OVCH1: variants seen among roughly 807,000 people sequenced by gnomAD.
OVCH1 encodes ovochymase 1, also known as ovochymase-1.
A neutral mutation model predicts 138.4 loss-of-function variants in OVCH1; 139 were observed. That is an observed-to-expected ratio of 1.00 (90% confidence interval 0.87 to 1.16). The LOEUF is 1.16. Ranked by LOEUF, OVCH1 falls within the 50% of genes most tolerant of loss-of-function variation. The pLI is 0.00. For synonymous variants in OVCH1, 453 were observed against 467.8 expected (o/e 0.97, Z 0.41); for missense variants, 1,367 against 1,357.9 (o/e 1.01, Z -0.11).
chr12:29,412,161 A>C (rs1220528588), downstream of OVCH1, among the ~76,000 whole-genome samples: 1 of 152,084 alleles, frequency 6.6e-6, no homozygotes, highest in Non-Finnish European at 1.5e-5. Context: ...CCGTTGGAAA[A>C]GCGCAGTACT....
chr12:29,463,685 T>C (rs1440508563), intron 18 of OVCH1, among the ~76,000 whole-genome samples: 1 of 152,204 alleles, frequency 6.6e-6, no homozygotes, highest in South Asian at 2.1e-4. Flanking sequence ...TTACAACCTC[T>C]CCATTTGTAA....
chr12:29,491,145 C>G (rs1315024846), exon 5 of OVCH1: 1 of 1,613,766 alleles, frequency 6.2e-7, no homozygotes, highest in Non-Finnish European at 8.5e-7. Context: ...ATTCCTGGTT[C>G]AACTTTATCA....
At chr12:29,459,027 C>T (rs530982000) in intron 19 of OVCH1, among the ~76,000 whole-genome samples, 93 of 152,222 alleles carry the variant, frequency 6.1e-4, no homozygotes, top group African/African-American at 2.2e-3. Context: ...AACCCATGTA[C>T]ATTATTGATG....
intron 3 of OVCH1, among the ~76,000 whole-genome samples, chr12:29,422,246 A>G (rs1473909083): frequency 6.6e-6 from 1 of 152,204 alleles, no homozygotes; most frequent in East Asian, 1.9e-4. Context: ...GTGAGAATGA[A>G]GGGTCAATTT....
At chr12:29,428,870 C>G (rs1005327997) in intron 27 of OVCH1, among the ~76,000 whole-genome samples, 1 of 152,180 alleles carries the variant, frequency 6.6e-6, no homozygotes, top group Non-Finnish European at 1.5e-5. Flanking sequence ...AAAAGTTTCC[C>G]TCTATGAGTC....
intron 4 of OVCH1, among the ~76,000 whole-genome samples, chr12:29,491,655 G>A (rs1943276105): frequency 6.6e-6 from 1 of 152,178 alleles, no homozygotes; most frequent in Non-Finnish European, 1.5e-5. Context: ...TGTAATTCAA[G>A]AGAAAGTGGC....
At chr12:29,439,006 G>A (rs1382884159) in intron 26 of OVCH1, among the ~76,000 whole-genome samples, 2 of 152,120 alleles carry the variant, frequency 1.3e-5, no homozygotes, top group Non-Finnish European at 2.9e-5. Flanking sequence ...AATGTAGACA[G>A]AAGAAAAACT....
At chr12:29,415,545 A>T (rs1237912810) in intron 3 of OVCH1, among the ~76,000 whole-genome samples, 1 of 151,530 alleles carries the variant, frequency 6.6e-6, no homozygotes, top group Non-Finnish European at 1.5e-5. Context: ...CCCTAACAAA[A>T]TACCATTTAC....
chr12:29,459,509 G>A (rs941666916), intron 19 of OVCH1, among the ~76,000 whole-genome samples: 19 of 152,044 alleles, frequency 1.2e-4, no homozygotes, highest in African/African-American at 4.6e-4. Flanking sequence ...GTGAGTATAG[G>A]GGAAGTGGGA....
chr12:29,426,358 GATA>G (rs1271480918), downstream of OVCH1, among the ~76,000 whole-genome samples: 11 of 152,146 alleles, frequency 7.2e-5, no homozygotes, highest in Middle Eastern at 3.2e-3. Flanking sequence ...TTAAATGATA[GATA>G]ATATTAGAAC....
intron 25 of OVCH1, among the ~76,000 whole-genome samples, chr12:29,442,487 G>C (rs1406248437): frequency 9.8e-6 from 1 of 102,106 alleles, no homozygotes; most frequent in East Asian, 3.6e-4. Flanking sequence ...TGGGGGGAGG[G>C]GGGAGGGATA....
In OVCH1 at chr12:29,461,851, C is replaced by G. The variant is rs1942145047; in HGVS notation, c.2280+3G>C. On this transcript the variant is annotated splice_donor_region_variant and intron_variant, in intron 19 of 27. Transcript: ENST00000318184. ...TTCCTGTATAAAACCAGAATCCTCT[C>G]ACCTGGCAGAAATCTTTCTCTCCAG... 6.2e-7 allele frequency: 1 copy of G among 1,613,580 alleles called. No homozygotes were observed. Among genetic ancestry groups the G allele is most frequent in the African/African-American group, 1.3e-5 (1 of 74,914 alleles).
At chr12:29,475,708 G>A (rs1942683469) in intron 13 of OVCH1, among the ~76,000 whole-genome samples, 1 of 152,152 alleles carries the variant, frequency 6.6e-6, no homozygotes, top group Non-Finnish European at 1.5e-5. Context: ...CTGAGGGACA[G>A]ATACTAGGTC....
chr12:29,402,918 A>T, the OVCH1 span, among the ~76,000 whole-genome samples: 1 of 152,204 alleles, frequency 6.6e-6, no homozygotes, highest in Non-Finnish European at 1.5e-5. Context: ...CCATTACAGA[A>T]ATATTTTGTG....
At chr12:29,422,612 A>T (rs2135887729), downstream of OVCH1, among the ~76,000 whole-genome samples, 1 of 152,338 alleles carries the variant, frequency 6.6e-6, no homozygotes, top group African/African-American at 2.4e-5. Flanking sequence ...GGGAGCATAA[A>T]CTAACAAATT....
At chr12:29,439,479 AAAAAGCAAAAAAC>A in intron 25 of OVCH1, 1 of 1,457,692 alleles carries the variant, frequency 6.9e-7, no homozygotes, top group African/African-American at 1.5e-5. Context: ...AACAAAAAAC[AAAAAGCAAAAAAC>A]AAAAAACAAA....
At chr12:29,411,550 G>C (rs535293133), downstream of OVCH1, among the ~76,000 whole-genome samples, 1 of 152,054 alleles carries the variant, frequency 6.6e-6, no homozygotes, top group African/African-American at 2.4e-5. Flanking sequence ...AGGTCTGTTG[G>C]AGCTTGCTAG....
At chr12:29,403,097 TG>T in the OVCH1 span, among the ~76,000 whole-genome samples, 1 of 152,206 alleles carries the variant, frequency 6.6e-6, no homozygotes, top group South Asian at 2.1e-4. Context: ...ATAAGCTTTT[TG>T]ACTTTAATTT....
At chr12:29,482,371 G>A (rs1424219781) in intron 8 of OVCH1, among the ~76,000 whole-genome samples, 1 of 151,370 alleles carries the variant, frequency 6.6e-6, no homozygotes, top group Non-Finnish European at 1.5e-5. Flanking sequence ...TCTTTATAAC[G>A]TGGTCTTCCC....
Sources: gnomAD v4.1 joint callset for allele counts (sites outside exome capture counted in the v4.1 genomes callset) on GRCh38, gnomAD v4.1.1 for gene constraint, MANE v1.5 for transcripts, NCBI Gene and HGNC (gene_info 2026-07-23, HGNC 2026-07-21) for gene names.